DCC: variants seen among roughly 807,000 people sequenced by gnomAD.
DCC encodes the protein netrin receptor DCC.
DCC carries 58 observed loss-of-function variants against 172.5 expected under a neutral mutation model. That is an observed-to-expected ratio of 0.34 (90% CI 0.27 to 0.42). DCC has a LOEUF of 0.42. DCC is among the 10% of genes least tolerant of loss of function. The probability of loss-of-function intolerance (pLI) is 1.00; values close to 1 mark genes in which losing one functional copy is unlikely to be tolerated. For synonymous variants in DCC, 709 were observed against 644.5 expected (o/e 1.10, Z -1.52); for missense variants, 1,740 against 1,791.0 (o/e 0.97, Z 0.51).
intron 9 of DCC, among the ~76,000 whole-genome samples, chr18:53,182,436 T>C (rs577441335): frequency 6.6e-6 from 1 of 152,326 alleles, no homozygotes; most frequent in Admixed American, 6.5e-5. Context: ...GGATAATTCC[T>C]CCCTTACTGA....
At chr18:52,346,165 C>T (rs1234315163) in intron 1 of DCC, among the ~76,000 whole-genome samples, 1 of 152,102 alleles carries the variant, frequency 6.6e-6, no homozygotes, top group Non-Finnish European at 1.5e-5. Context: ...GATGAACAAT[C>T]CAGATTATTT....
At chr18:52,956,326 C>G (rs2040742253) in intron 5 of DCC, among the ~76,000 whole-genome samples, 1 of 151,872 alleles carries the variant, frequency 6.6e-6, no homozygotes, top group South Asian at 2.1e-4. Context: ...TGTCTTTGCT[C>G]CATTTTATTG....
At chr18:53,226,948 A>ATATATATATATATTTTTTTTTTTTTTTTT in intron 12 of DCC, among the ~76,000 whole-genome samples, 14 of 52,938 alleles carry the variant, frequency 2.6e-4, no homozygotes, top group Admixed American at 5.1e-4. Context: ...ATATATATAT[A>ATATATATATATATTTTTTTTTTTTTTTTT]TTTTTTTTTT....
chr18:52,769,587 T>C (rs756301234), intron 2 of DCC, among the ~76,000 whole-genome samples: 3 of 152,160 alleles, frequency 2.0e-5, no homozygotes, highest in Non-Finnish European at 2.9e-5. Flanking sequence ...TGCAATTCAG[T>C]CTATCAATTA....
chr18:52,406,783 GAGACTGTTAATGATAGTTACCC>G (rs1184450233), intron 1 of DCC, among the ~76,000 whole-genome samples: 5 of 152,158 alleles, frequency 3.3e-5, no homozygotes, highest in Non-Finnish European at 5.9e-5. Context: ...CAAAGCTCCA[GAGACTGTTAATGATAGTTACCC>G]AGTGTAGCAA....
intron 1 of DCC, among the ~76,000 whole-genome samples, chr18:52,570,473 G>A (rs1283586012): frequency 6.6e-6 from 1 of 152,146 alleles, no homozygotes; most frequent in African/African-American, 2.4e-5. Context: ...TCATCTCTTG[G>A]TATTTGAGGG....
chr18:53,466,587 G>A (rs778396749), intron 24 of DCC, among the ~76,000 whole-genome samples: 13 of 152,032 alleles, frequency 8.6e-5, no homozygotes, highest in African/African-American at 2.4e-5. Context: ...GTGCAGTGGC[G>A]CAATCTCAGC....
intron 1 of DCC, among the ~76,000 whole-genome samples, chr18:52,709,350 A>G (rs557073522): frequency 2.3e-4 from 35 of 152,326 alleles, no homozygotes; most frequent in African/African-American, 8.2e-4. Context: ...TTGGCTTTAA[A>G]CATTTTGAAA....
chr18:53,261,079 C>T (rs1035050959), intron 12 of DCC, among the ~76,000 whole-genome samples: 4 of 152,088 alleles, frequency 2.6e-5, no homozygotes, highest in African/African-American at 4.8e-5. Flanking sequence ...GGGAGTGACC[C>T]GATTTTCCAG....
intron 24 of DCC, among the ~76,000 whole-genome samples, chr18:53,463,057 C>G (rs1459553217): frequency 2.0e-5 from 3 of 152,248 alleles, no homozygotes; most frequent in Admixed American, 6.5e-5. Context: ...AAACAAATCC[C>G]TTTTGCAGGA....
At chr18:52,486,325 C>A (rs1298181481) in intron 1 of DCC, among the ~76,000 whole-genome samples, 1 of 152,054 alleles carries the variant, frequency 6.6e-6, no homozygotes, top group African/African-American at 2.4e-5. Context: ...CATGATCCAA[C>A]TAATGCCGTA....
chr18:52,898,601 A>G (rs1422200565), intron 2 of DCC, among the ~76,000 whole-genome samples: 5 of 151,962 alleles, frequency 3.3e-5, no homozygotes, highest in African/African-American at 1.2e-4. Flanking sequence ...GTAGGGAGAG[A>G]CTATTGTTCT....
chr18:52,871,664 A>G (rs752360833), intron 2 of DCC, among the ~76,000 whole-genome samples: 2 of 152,132 alleles, frequency 1.3e-5, no homozygotes, highest in Admixed American at 6.5e-5. Context: ...CATCTTGCCC[A>G]GGCTGGTTTT....
intron 13 of DCC, among the ~76,000 whole-genome samples, chr18:53,306,829 C>T (rs760690347): frequency 9.2e-5 from 14 of 152,082 alleles, no homozygotes; most frequent in South Asian, 6.2e-4. Context: ...TAGAATGGCT[C>T]ATGACACAGC....
At chr18:52,847,191 C>T (rs1271000737) in intron 2 of DCC, among the ~76,000 whole-genome samples, 1 of 152,194 alleles carries the variant, frequency 6.6e-6, no homozygotes, top group Non-Finnish European at 1.5e-5. Flanking sequence ...AGTTTTGCTA[C>T]TTAGCCATTT....
chr18:52,481,257 T>C (rs1323084715), intron 1 of DCC, among the ~76,000 whole-genome samples: 1 of 152,150 alleles, frequency 6.6e-6, no homozygotes, highest in Non-Finnish European at 1.5e-5. Context: ...ATTGTAGAGG[T>C]GCGTGCCAGC....
rs575281228 is a variant in DCC at position 52,740,141 on chromosome 18, C to T, written c.92-11913C>T. Reference sequence around the variant, plus strand: ...ACCATGAATAAGTTGCACATATAGACGCCAGAAATTCCCTTACAGTTCTGA... The same window carrying T: ...ACCATGAATAAGTTGCACATATAGATGCCAGAAATTCCCTTACAGTTCTGA... On this transcript the variant is annotated intron_variant, in intron 1 of 28. Coordinates refer to ENST00000442544, the MANE Select transcript of DCC (RefSeq NM_005215.4). Among the ~76,000 whole-genome samples the T allele has an allele frequency of 3.7e-4, 57 of 152,100 alleles. 1 individual carries two copies. The highest frequency in any genetic ancestry group is 5.4e-4 in the Non-Finnish European group (37 of 68,020).
At chr18:52,685,831 G>C (rs937485678) in intron 1 of DCC, among the ~76,000 whole-genome samples, 1 of 152,082 alleles carries the variant, frequency 6.6e-6, no homozygotes, top group African/African-American at 2.4e-5. Flanking sequence ...CACATTCACA[G>C]AGCCCCTTCT....
intron 1 of DCC, among the ~76,000 whole-genome samples, chr18:52,712,720 A>G (rs907656484): frequency 6.6e-6 from 1 of 152,258 alleles, no homozygotes; most frequent in Admixed American, 6.5e-5. Context: ...ATTATCCAAC[A>G]TTACATAGTT....
Sources: gnomAD v4.1 joint callset for allele counts (sites outside exome capture counted in the v4.1 genomes callset) on GRCh38, gnomAD v4.1.1 for gene constraint, MANE v1.5 for transcripts, NCBI Gene and HGNC (gene_info 2026-07-23, HGNC 2026-07-21) for gene names.